LZTR1: variants seen among roughly 807,000 people sequenced by gnomAD.
The protein encoded by LZTR1 is leucine zipper like post translational regulator 1.
Under a neutral mutation model 105.7 loss-of-function variants are expected in LZTR1, and 260 were observed. The observed-to-expected ratio is 2.46, with a 90% CI of 2.22 to 2.72. The LOEUF is 2.72. Ranked by LOEUF, LZTR1 falls within the 30% of genes most tolerant of loss-of-function variation. The probability of loss-of-function intolerance (pLI) is 0.00; values close to 1 mark genes in which losing one functional copy is unlikely to be tolerated. For missense variants in LZTR1, 1,214 were observed against 1,166.9 expected, an observed-to-expected ratio of 1.04 and a Z score of -0.59; for synonymous variants, 490 against 476.4, an observed-to-expected ratio of 1.03 and a Z score of -0.37.
In LZTR1 at chr22:20,996,868, A is replaced by T. The variant is rs768576129; in HGVS notation, c.2326-18A>T. Reference sequence around the variant, plus strand: ...AGTGGGTGAAAGGGGCAGCGCCTCAAGGTCCCTGCCATTGCAGATCCTGGA... The same window carrying T: ...AGTGGGTGAAAGGGGCAGCGCCTCATGGTCCCTGCCATTGCAGATCCTGGA... On this transcript the variant is annotated intron_variant, in intron 19 of 20. Transcript: ENST00000646124. The T allele has an allele frequency of 6.2e-7, 1 of 1,611,694 alleles. No individual in the cohort carries two copies. Among genetic ancestry groups the T allele is most frequent in the Non-Finnish European group, 8.5e-7 (1 of 1,178,368 alleles).
intron 2 of LZTR1, 22 bp downstream of exon 2, chr22:20,983,111 TGTTTGGACCAG>T: frequency 5.6e-6 from 9 of 1,609,184 alleles, no homozygotes; most frequent in Non-Finnish European, 7.7e-6. Context: ...TCAGCATCAG[TGTTTGGACCAG>T]GTAGGGAGAA....
At position 20,994,868 on chromosome 22, in the gene LZTR1, A is replaced by C; in HGVS notation, c.1786-2A>C. ...CTGCCTGCCTGTGCCTGTCTGCCCC[A>C]GGAGCACTGCCTGAACTTCGTGGTA... On this transcript the variant is annotated splice_acceptor_variant, in intron 15 of 20. Coordinates refer to ENST00000646124, the MANE Select transcript of LZTR1 (RefSeq NM_006767.4). LOFTEE classifies it high-confidence loss of function. 1 of 1,613,140 alleles carries C rather than the reference A, an allele frequency of 6.2e-7. No homozygotes were observed. The highest frequency in any genetic ancestry group is 8.5e-7 in the Non-Finnish European group (1 of 1,179,898).
At position 20,991,683 on chromosome 22, in the gene LZTR1, C is replaced by T. The variant is rs1346699262; in HGVS notation, c.847C>T (p.Arg283Trp). 1.9e-6 allele frequency: 3 copies of T among 1,603,738 alleles called. No homozygotes were observed. The highest frequency in any genetic ancestry group is 1.7e-5 in the Admixed American group (1 of 58,950). The part of the protein sequence containing the change: ...LLRGSPPPPQ[R>W]RYGHTMVAFD... ...CCGGGGCTCCCCACCACCCCCGCAG[C>T]GGCGCTACGGGCATACCATGGTGGC... Residue 283 changes from arginine to tryptophan, a missense_variant, in exon 9 of 21, where the codon CGG becomes TGG. Transcript: ENST00000646124.
In LZTR1 at chr22:20,990,433, GGC is replaced by G; in HGVS notation, c.700_701del (p.Ala234CysfsTer25). 1 of 1,614,122 alleles carries G rather than the reference GGC, an allele frequency of 6.2e-7. No homozygotes were observed. Among genetic ancestry groups the G allele is most frequent in the Non-Finnish European group, 8.5e-7 (1 of 1,180,032 alleles). The stretch of plus-strand genomic sequence containing the variant: ...CCCCATCTTGCTGCAACTTCCCCGT[GGC>G]TGTGTGCCGGGACAAGATGTTTGTA... ...IPPSCCNFPVAVCRDKMFVFS... is the reference protein window; with the variant it reads ...IPPSCCNFPVXVCRDKMFVFS... On this transcript the variant is annotated frameshift_variant, in exon 8 of 21. Transcript: ENST00000646124. LOFTEE classifies it high-confidence loss of function.
At chr22:20,996,223 C>T (rs1294855042) in intron 18 of LZTR1, 111 bp downstream of exon 18, 9 of 1,224,156 alleles carry the variant, frequency 7.4e-6, no homozygotes, top group African/African-American at 3.0e-5. Flanking sequence ...CTGGGCCCAG[C>T]GCCTCCCTCC....
chr22:20,990,607 C>T (rs923599123), intron 8 of LZTR1, 82 bp downstream of exon 8: 39 of 1,419,820 alleles, frequency 2.7e-5, no homozygotes, highest in Non-Finnish European at 3.7e-5. Context: ...CCTCTTGCAC[C>T]TGGTGGCCAT....
At chr22:20,988,188 C>A in intron 5 of LZTR1, 70 bp downstream of exon 5, 1 of 979,404 alleles carries the variant, frequency 1.0e-6, no homozygotes, top group Non-Finnish European at 1.6e-6. Flanking sequence ...GATCTGCCCC[C>A]TTTTGCCTCC....
intron 17 of LZTR1, 26 bp downstream of exon 17, chr22:20,995,898 A>T (rs774689156): frequency 1.2e-6 from 2 of 1,611,956 alleles, no homozygotes; most frequent in South Asian, 2.2e-5. Flanking sequence ...ACAGGAGGGG[A>T]GGGTGGGCCT....
rs1284200353 is a variant in LZTR1 at position 20,996,966 on chromosome 22, G to C, written c.2406G>C (p.Lys802Asn). Residue 802 changes from lysine (K) to asparagine (N), a missense_variant and splice_region_variant, in exon 20 of 21, where the codon AAG becomes AAC. Physicochemically the swap from Lys to Asn is moderately conservative, Grantham distance 94. Transcript: ENST00000646124. ...CLHIIVHQFT[K>N]VSKLPTLRSL... ...ACATCATTGTGCACCAGTTCACCAA[G>C]GTCAGGGCTCTGGCCTCCCCTTCAG... 1 of 1,613,668 alleles carries C rather than the reference G, an allele frequency of 6.2e-7. No homozygotes were observed. Among genetic ancestry groups the C allele is most frequent in the South Asian group, 1.1e-5 (1 of 91,078 alleles).
At chr22:20,991,568 G>A (rs1924605449) in intron 8 of LZTR1, 60 bp from the exon 9 acceptor site, 4 of 1,348,954 alleles carry the variant, frequency 3.0e-6, no homozygotes, top group African/African-American at 1.4e-5. Flanking sequence ...GCTGTGGGGA[G>A]GCCCCGAGGG....
Position 20,996,623 on chromosome 22 carries a change from C to CCTTTCCCTGT in LZTR1, c.2220-72_2220-71insTTTCCCTGTC, listed in dbSNP as rs1446258588. 15 of 1,293,874 alleles carry CCTTTCCCTGT rather than the reference C, an allele frequency of 1.2e-5. No individual in the cohort carries two copies. In the Admixed American group the frequency reaches 2.5e-4, roughly 21 times the overall value. The allele number at this position is 1,293,874 out of a possible 1,614,324, so 80.1% of individuals were successfully genotyped here. ...GTGGGGGCTTGGGGCTCCAGCTGCGCCCTTCCCTGTCCTTCCCTGGGAGGG... is the reference window on the plus strand; with the variant it reads ...GTGGGGGCTTGGGGCTCCAGCTGCGCCTTTCCCTGTCCTTCCCTGTCCTTCCCTGGGAGGG... On this transcript the variant is annotated intron_variant, in intron 18 of 20. Coordinates refer to ENST00000646124, the MANE Select transcript of LZTR1 (RefSeq NM_006767.4).
chr22:20,986,582 G>A (rs532788526), intron 3 of LZTR1: 1 of 152,194 alleles, frequency 6.6e-6, no homozygotes, highest in African/African-American at 2.4e-5. Flanking sequence ...GATAGATGAT[G>A]GGTAGATAGA....
Position 20,998,709 on chromosome 22 carries a change from AG to A in LZTR1, c.*1363del, listed in dbSNP as rs1310672591. On this transcript the variant is annotated 3_prime_UTR_variant, in exon 21 of 21. Coordinates refer to ENST00000646124, the MANE Select transcript of LZTR1 (RefSeq NM_006767.4). The stretch of plus-strand genomic sequence containing the variant: ...CAGAGGCTGAGCCGGGAGGCCCTTG[AG>A]GTGAGGACACAGCAGGCCCAGGACC... The A allele has an allele frequency of 6.5e-6, 1 of 152,746 alleles. No individual in the cohort carries two copies. Among genetic ancestry groups the A allele is most frequent in the African/African-American group, 2.4e-5 (1 of 41,454 alleles). The allele number at this position is 152,746 out of a possible 1,614,324, so 9.5% of individuals were successfully genotyped here. A position where few individuals can be genotyped will look rare whatever the true frequency, so the allele number is the denominator to read the frequency against.
At position 20,993,677 on chromosome 22, in the gene LZTR1, A is replaced by G. The variant is rs763635412; in HGVS notation, c.1276A>G (p.Lys426Glu). The change falls in exon 12 of 21, where the codon AAA becomes GAA. Residue 426 changes from lysine (K) to glutamate (E), a missense_variant. Lys to Glu is a moderately conservative substitution (Grantham distance 56). Coordinates refer to ENST00000646124, the MANE Select transcript of LZTR1 (RefSeq NM_006767.4). ...MYRFQFSCYPKCTLHEDYGRL... is the reference protein window; with the variant it reads ...MYRFQFSCYPECTLHEDYGRL... ...CCTCTTGCAGTTCTCCTGTTACCCTAAATGCACGCTGCACGAGGACTACGG... is the reference window on the plus strand; with the variant it reads ...CCTCTTGCAGTTCTCCTGTTACCCTGAATGCACGCTGCACGAGGACTACGG... 6.2e-7 allele frequency: 1 copy of G among 1,613,360 alleles called. No individual in the cohort carries two copies. The highest frequency in any genetic ancestry group is 1.1e-5 in the South Asian group (1 of 91,070).
Position 20,987,368 on chromosome 22 carries a change from G to A in LZTR1, c.321-136G>A, listed in dbSNP as rs1220980671. The A allele has an allele frequency of 1.2e-5, 7 of 594,468 alleles. No individual in the cohort carries two copies. In the Admixed American group the frequency reaches 1.5e-4, roughly 13 times the overall value. 36.8% of individuals were successfully genotyped at this position (594,468 alleles called of 1,614,324 possible). ...CGTGCCACTGCACTCCAGCCGGGAC[G>A]ACAGAGAGAGACTCCGTCTCAAAAA... On this transcript the variant is annotated intron_variant, in intron 3 of 20. Coordinates refer to ENST00000646124, the MANE Select transcript of LZTR1 (RefSeq NM_006767.4).
chr22:20,990,217 G>T (rs114951826), intron 7 of LZTR1, among the ~76,000 whole-genome samples, 169 bp from the exon 8 acceptor site: 3 of 152,136 alleles, frequency 2.0e-5, no homozygotes, highest in Admixed American at 2.0e-4. Context: ...ACTGGGCCCC[G>T]TGAAGTGGAT....
chr22:20,984,868 T>C (rs1924324653), intron 2 of LZTR1, among the ~76,000 whole-genome samples: 1 of 152,074 alleles, frequency 6.6e-6, no homozygotes, highest in East Asian at 1.9e-4. Flanking sequence ...CAGCTGGTAG[T>C]GTTAGGTGGT....
intron 16 of LZTR1, chr22:20,995,540 G>A (rs1250633850): frequency 4.1e-6 from 3 of 731,280 alleles, no homozygotes; most frequent in African/African-American, 1.7e-5. Context: ...GTGGTGGGCT[G>A]TGCGTGGGGC....
At chr22:20,984,931 G>T (rs1240069275) in intron 2 of LZTR1, among the ~76,000 whole-genome samples, 2 of 152,186 alleles carry the variant, frequency 1.3e-5, no homozygotes, top group Non-Finnish European at 2.9e-5. Context: ...TTGCAACAAA[G>T]AAATGGCAGG....
Sources: allele counts gnomAD v4.1 joint callset (sites outside exome capture counted in the v4.1 genomes callset), GRCh38; gene constraint gnomAD v4.1.1; transcripts MANE v1.5; gene names NCBI Gene and HGNC (gene_info 2026-07-23, HGNC 2026-07-21).